ARMC2: variants seen among roughly 807,000 people sequenced by gnomAD.
ARMC2 encodes armadillo repeat containing 2.
Under a neutral mutation model 90.3 loss-of-function variants are expected in ARMC2, and 67 were observed. The ratio of observed to expected loss-of-function variants is 0.74; its 90% confidence interval spans 0.61 to 0.91. The LOEUF is 0.91. ARMC2 is among the 40% of genes least tolerant of loss of function. The pLI is 0.00. For synonymous variants in ARMC2, 393 were observed against 393.0 expected (o/e 1.00, Z 0.00); for missense variants, 920 against 1,030.9 (o/e 0.89, Z 1.47).
intron 1 of ARMC2, among the ~76,000 whole-genome samples, chr6:108,851,940 C>T (rs11964152): frequency 0.017 from 2,586 of 152,178 alleles, 84 homozygotes; most frequent in African/African-American, 0.06. Flanking sequence ...TCTTTTATTC[C>T]TCTTTGTGTT....
the ARMC2 span, chr6:109,002,462 T>C: frequency 5.4e-6 from 4 of 737,306 alleles, no homozygotes; most frequent in South Asian, 6.3e-5. Flanking sequence ...TGATGGTTTG[T>C]TTTCATGGCT....
chr6:108,926,632 C>T (rs962011241), intron 10 of ARMC2, among the ~76,000 whole-genome samples: 7 of 151,956 alleles, frequency 4.6e-5, no homozygotes, highest in South Asian at 2.1e-4. Flanking sequence ...GGCTGAGGCA[C>T]GACAATTGCT....
At position 108,862,357 on chromosome 6, in the gene ARMC2, A is replaced by AC. The variant is rs779685049; in HGVS notation, c.291+4086_291+4087insC. On this transcript the variant is annotated intron_variant, in intron 3 of 17. Coordinates refer to ENST00000392644, the MANE Select transcript of ARMC2 (RefSeq NM_032131.6). ...AGACTCATCTCAAAAAAAAAAAAAA[A>AC]ACAAAAAAAACAAACAAAACCAAAA... Among the ~76,000 whole-genome samples the AC allele has an allele frequency of 1.7e-3, 245 of 141,630 alleles. 1 individual carries two copies. Among genetic ancestry groups the AC allele is most frequent in the South Asian group, 3.1e-3 (13 of 4,184 alleles). The allele number at this position is 141,630 out of a possible 152,430, so 92.9% of individuals were successfully genotyped here.
intron 9 of ARMC2, among the ~76,000 whole-genome samples, chr6:108,911,334 C>T (rs1342503420): frequency 6.6e-6 from 1 of 152,028 alleles, no homozygotes; most frequent in Non-Finnish European, 1.5e-5. Context: ...AAATTTTAGT[C>T]TTTTAATATA....
At chr6:109,042,622 T>C in the ARMC2 span, among the ~76,000 whole-genome samples, 1 of 151,222 alleles carries the variant, frequency 6.6e-6, no homozygotes, top group South Asian at 2.1e-4. Context: ...TTAGACAAAA[T>C]GGGTCAATTC....
chr6:108,960,478 C>T (rs1401627669), intron 13 of ARMC2, among the ~76,000 whole-genome samples: 1 of 152,196 alleles, frequency 6.6e-6, no homozygotes, highest in East Asian at 1.9e-4. Context: ...TTCTTGCATC[C>T]AGCACTCACT....
At chr6:108,860,389 G>A (rs558150495) in intron 3 of ARMC2, among the ~76,000 whole-genome samples, 10 of 152,112 alleles carry the variant, frequency 6.6e-5, no homozygotes, top group Admixed American at 5.2e-4. Context: ...GCAGCCAGGC[G>A]CGGTGGCTCA....
intron 12 of ARMC2, among the ~76,000 whole-genome samples, chr6:108,946,902 G>A (rs942164162): frequency 2.0e-5 from 3 of 152,142 alleles, no homozygotes; most frequent in African/African-American, 7.2e-5. Flanking sequence ...TGGGAGTCGG[G>A]GAGGAATGTG....
the ARMC2 span, chr6:109,009,583 A>G: frequency 1.6e-5 from 17 of 1,070,772 alleles, no homozygotes; most frequent in South Asian, 4.5e-5. Context: ...CCGACAAACA[A>G]GCCGCGCGGC....
At chr6:108,892,475 G>A (rs957076139) in intron 5 of ARMC2, among the ~76,000 whole-genome samples, 4 of 151,962 alleles carry the variant, frequency 2.6e-5, no homozygotes, top group Admixed American at 2.6e-4. Flanking sequence ...AAAATGGGGT[G>A]GCTGGTGGGC....
chr6:108,851,753 A>G (rs1582909657), intron 1 of ARMC2, among the ~76,000 whole-genome samples: 1 of 152,314 alleles, frequency 6.6e-6, no homozygotes, highest in African/African-American at 2.4e-5. Flanking sequence ...CCTGGACAAC[A>G]TAGTGAGACC....
At chr6:109,001,498 T>TGA in the ARMC2 span, 162,908 of 1,610,506 alleles carry the variant, frequency 0.1, 8,981 homozygotes, top group South Asian at 0.19. Flanking sequence ...TCTGTATAAA[T>TGA]GAGAAAAACC....
At chr6:108,956,214 G>T (rs1474798856) in intron 13 of ARMC2, among the ~76,000 whole-genome samples, 1 of 152,166 alleles carries the variant, frequency 6.6e-6, no homozygotes, top group Non-Finnish European at 1.5e-5. Flanking sequence ...GGGGCACATG[G>T]CTGTGAACAG....
the ARMC2 span, among the ~76,000 whole-genome samples, chr6:109,004,652 A>C: frequency 6.6e-6 from 1 of 152,044 alleles, no homozygotes; most frequent in Non-Finnish European, 1.5e-5. Context: ...GGATGGTCTC[A>C]ATCTCCTGAC....
intron 5 of ARMC2, among the ~76,000 whole-genome samples, chr6:108,892,879 AC>A (rs1285916917): frequency 6.6e-6 from 1 of 152,150 alleles, no homozygotes; most frequent in Non-Finnish European, 1.5e-5. Context: ...TGGCATAGTC[AC>A]TGGGGGGCTC....
the ARMC2 span, chr6:109,002,256 T>C: frequency 1.2e-6 from 2 of 1,605,518 alleles, no homozygotes; most frequent in East Asian, 4.5e-5. Flanking sequence ...CAGTTCACTA[T>C]GTACTTTCAC....
chr6:108,884,726 G>A (rs770205629), intron 5 of ARMC2, among the ~76,000 whole-genome samples: 2 of 152,216 alleles, frequency 1.3e-5, no homozygotes, highest in Non-Finnish European at 2.9e-5. Context: ...TCCCAGGTAT[G>A]TGGGTCCATT....
chr6:109,025,910 T>C, the ARMC2 span, among the ~76,000 whole-genome samples: 1 of 151,034 alleles, frequency 6.6e-6, no homozygotes, highest in Non-Finnish European at 1.5e-5. Context: ...TAAGACACGA[T>C]GGTTAAGGAT....
intron 17 of ARMC2, among the ~76,000 whole-genome samples, chr6:108,971,496 AT>A (rs35372798): frequency 6.6e-6 from 1 of 152,168 alleles, no homozygotes; most frequent in East Asian, 1.9e-4. Context: ...CCCTTATCTT[AT>A]TTTGGGTGGT....
Sources: gnomAD v4.1 joint callset for allele counts (sites outside exome capture counted in the v4.1 genomes callset) on GRCh38, gnomAD v4.1.1 for gene constraint, MANE v1.5 for transcripts, NCBI Gene and HGNC (gene_info 2026-07-23, HGNC 2026-07-21) for gene names.